NAALADL2: variants seen among roughly 807,000 people sequenced by gnomAD.
The protein encoded by NAALADL2 is N-acetylated alpha-linked acidic dipeptidase like 2.
A neutral mutation model predicts 87.2 loss-of-function variants in NAALADL2; 76 were observed. The ratio of observed to expected loss-of-function variants is 0.87; its 90% confidence interval spans 0.72 to 1.05. The LOEUF is 1.05. Ranked by LOEUF, NAALADL2 falls within the 50% of genes least tolerant of loss-of-function variation. NAALADL2 has a pLI of 0.00. For synonymous variants in NAALADL2, 354 were observed against 331.0 expected (o/e 1.07, Z -0.75); for missense variants, 1,089 against 945.8 (o/e 1.15, Z -1.99).
chr3:174,501,245 AT>A (rs1400456941), intron 1 of NAALADL2, among the ~76,000 whole-genome samples: 1 of 148,464 alleles, frequency 6.7e-6, no homozygotes, highest in Non-Finnish European at 1.5e-5. Context: ...CGCCCGGCTA[AT>A]TTTTTGTATT....
At chr3:175,182,227 C>T (rs1736669489) in intron 2 of NAALADL2, among the ~76,000 whole-genome samples, 1 of 152,056 alleles carries the variant, frequency 6.6e-6, no homozygotes, top group Admixed American at 6.6e-5. Flanking sequence ...GTCCCTTGCT[C>T]ATTTTTAAGT....
intron 5 of NAALADL2, among the ~76,000 whole-genome samples, chr3:175,331,054 G>A (rs1466568584): frequency 6.6e-6 from 1 of 152,076 alleles, no homozygotes; most frequent in Non-Finnish European, 1.5e-5. Flanking sequence ...GAGAGAAAAT[G>A]GATAAATTTT....
intron 2 of NAALADL2, among the ~76,000 whole-genome samples, chr3:174,693,307 A>T (rs1040868212): frequency 6.6e-6 from 1 of 152,140 alleles, no homozygotes; most frequent in Non-Finnish European, 1.5e-5. Flanking sequence ...TCAAACTTTC[A>T]AATGTTTTAC....
In NAALADL2 at chr3:174,859,433, C is replaced by A. The variant is rs1275637300; in HGVS notation, c.26C>A (p.Pro9His). Residue 9 changes from proline to histidine, a missense_variant, in exon 1 of 14, where the codon CCT (proline) becomes CAT (histidine). Transcript: ENST00000454872. ...ATGGGAGAGAATGAAGCAAGTTTAC[C>A]TAACACGTCTTTGCAAGGTAAGTAC... MGENEASL[P>H]NTSLQGKKMA... 1 of 1,610,790 alleles carries A rather than the reference C, an allele frequency of 6.2e-7. No homozygotes were observed.
intron 10 of NAALADL2, among the ~76,000 whole-genome samples, chr3:175,598,739 C>T (rs1214232511): frequency 2.6e-5 from 4 of 152,080 alleles, no homozygotes; most frequent in Non-Finnish European, 5.9e-5. Context: ...GAGCCTTTTC[C>T]GTGTATTTAC....
chr3:175,392,499 C>G (rs1769200772), intron 5 of NAALADL2, among the ~76,000 whole-genome samples: 1 of 152,134 alleles, frequency 6.6e-6, no homozygotes, highest in South Asian at 2.1e-4. Flanking sequence ...TAAAGAACAC[C>G]TATACCTTTC....
intron 3 of NAALADL2, among the ~76,000 whole-genome samples, chr3:174,839,198 C>G (rs980841192): frequency 6.6e-6 from 1 of 152,146 alleles, no homozygotes; most frequent in Non-Finnish European, 1.5e-5. Flanking sequence ...CAAATACTTA[C>G]AGCCAACTGA....
intron 4 of NAALADL2, among the ~76,000 whole-genome samples, chr3:175,300,971 T>C (rs1560316270): frequency 6.6e-6 from 1 of 151,822 alleles, no homozygotes; most frequent in Non-Finnish European, 1.5e-5. Context: ...CAACCTCAGG[T>C]GAGGTGGTCC....
At chr3:175,163,813 G>C (rs917988113) in intron 2 of NAALADL2, among the ~76,000 whole-genome samples, 2 of 152,222 alleles carry the variant, frequency 1.3e-5, no homozygotes, top group South Asian at 2.1e-4. Context: ...AGTACCAGAG[G>C]GGCAGCTGCT....
chr3:175,110,236 CTTCAT>C (rs770893616), intron 2 of NAALADL2, among the ~76,000 whole-genome samples: 3 of 151,890 alleles, frequency 2.0e-5, no homozygotes, highest in African/African-American at 7.2e-5. Flanking sequence ...TTCTTGATTT[CTTCAT>C]TTCATTTTAA....
chr3:175,172,342 C>T (rs773801011), intron 2 of NAALADL2, among the ~76,000 whole-genome samples: 2 of 152,072 alleles, frequency 1.3e-5, no homozygotes, highest in Non-Finnish European at 2.9e-5. Flanking sequence ...ACTGCTCTTA[C>T]TATTGAATTA....
At chr3:175,334,985 C>G (rs755836303) in intron 5 of NAALADL2, among the ~76,000 whole-genome samples, 44 of 152,088 alleles carry the variant, frequency 2.9e-4, no homozygotes, top group Non-Finnish European at 1.2e-4. Flanking sequence ...TGTGTGAAGA[C>G]TGGATGACTG....
intron 2 of NAALADL2, among the ~76,000 whole-genome samples, chr3:175,147,146 T>C (rs1158258878): frequency 2.0e-5 from 3 of 152,226 alleles, no homozygotes; most frequent in East Asian, 1.9e-4. Flanking sequence ...GTTTGTTACA[T>C]AGATATATTG....
chr3:175,261,433 C>G (rs115283027), intron 4 of NAALADL2, among the ~76,000 whole-genome samples: 3,315 of 152,186 alleles, frequency 0.022, 56 homozygotes, highest in Non-Finnish European at 0.032. Context: ...GGGCTGTTGT[C>G]TAAATCCACA....
At chr3:174,910,467 T>C (rs1028984619) in intron 1 of NAALADL2, among the ~76,000 whole-genome samples, 2 of 152,090 alleles carry the variant, frequency 1.3e-5, no homozygotes, top group African/African-American at 4.8e-5. Context: ...TCCTTGACTT[T>C]GGGGGTGGGA....
At chr3:175,716,273 AAT>A (rs1431920334) in intron 11 of NAALADL2, among the ~76,000 whole-genome samples, 1 of 142,924 alleles carries the variant, frequency 7.0e-6, no homozygotes, top group Non-Finnish European at 1.5e-5. Context: ...TAATATATAT[AAT>A]ATATATTATG....
intron 5 of NAALADL2, among the ~76,000 whole-genome samples, chr3:175,365,832 T>G (rs990967111): frequency 1.4e-5 from 2 of 147,526 alleles, no homozygotes; most frequent in South Asian, 2.2e-4. Flanking sequence ...GTAATGAAAA[T>G]AGTTACATTT....
rs185170814 is a variant in NAALADL2, at chr3:174,928,532, G to A, written c.43+69082G>A. ...TGGTATTACAGGCGTGAGCCACCGC[G>A]CATTGCCCTTATGTGATATTTGTAA... On this transcript the variant is annotated intron_variant, in intron 1 of 13. Coordinates refer to ENST00000454872, the MANE Select transcript of NAALADL2 (RefSeq NM_207015.3). Among the ~76,000 whole-genome samples the A allele has an allele frequency of 3.9e-5, 6 of 152,188 alleles. No individual in the cohort carries two copies. The East Asian group carries it at 7.7e-4, about 20-fold the overall frequency.
At chr3:175,400,774 A>G (rs1406778237) in intron 5 of NAALADL2, among the ~76,000 whole-genome samples, 1 of 152,120 alleles carries the variant, frequency 6.6e-6, no homozygotes, top group African/African-American at 2.4e-5. Flanking sequence ...TACTGTAACT[A>G]TCATAAATGT....
Sources: gnomAD v4.1 joint callset for allele counts (sites outside exome capture counted in the v4.1 genomes callset) on GRCh38, gnomAD v4.1.1 for gene constraint, MANE v1.5 for transcripts, NCBI Gene and HGNC (gene_info 2026-07-23, HGNC 2026-07-21) for gene names.